Variants in ZNF420 observed in about 807,000 individuals in gnomAD.
ZNF420 encodes zinc finger protein 420, also known as ATM and p53-associated KZNF protein.
ZNF420 carries 31 observed loss-of-function variants against 44.7 expected under a neutral mutation model. The observed-to-expected ratio is 0.69, with a 90% CI of 0.52 to 0.94. The LOEUF (loss-of-function observed/expected upper bound fraction) is 0.94, where lower values mean the gene tolerates loss of function less well. Among genes scored for constraint, ZNF420 ranks in the 40% least tolerant of loss-of-function variants. The probability of loss-of-function intolerance (pLI) is 0.00; values close to 1 mark genes in which losing one functional copy is unlikely to be tolerated. For missense variants in ZNF420, 681 were observed against 827.9 expected (o/e 0.82, Z 2.18); for synonymous variants, 245 against 267.4 (o/e 0.92, Z 0.82).
intron 4 of ZNF420, among the ~76,000 whole-genome samples, chr19:37,120,161 C>G (rs1400934305): frequency 7.2e-5 from 11 of 152,172 alleles, no homozygotes; most frequent in Non-Finnish European, 1.5e-4. Context: ...CTGGCAGAGA[C>G]ACAGCCAAAA....
intron 1 of ZNF420, among the ~76,000 whole-genome samples, chr19:37,041,585 C>T (rs1180083332): frequency 1.3e-5 from 2 of 152,122 alleles, no homozygotes; most frequent in Non-Finnish European, 2.9e-5. Flanking sequence ...CAAGATGATG[C>T]TTTTCATAGC....
At chr19:37,017,106 T>C (rs1599594781) in intron 1 of ZNF420, among the ~76,000 whole-genome samples, 2 of 152,344 alleles carry the variant, frequency 1.3e-5, no homozygotes, top group East Asian at 3.9e-4. Flanking sequence ...TATAATAAAC[T>C]AGTAAACCTA....
intron 1 of ZNF420, among the ~76,000 whole-genome samples, chr19:37,049,948 C>T (rs1382357326): frequency 6.6e-6 from 1 of 152,184 alleles, no homozygotes; most frequent in Non-Finnish European, 1.5e-5. Context: ...AGCCAGTTTT[C>T]CCAGCACCAT....
At chr19:37,075,721 G>A (rs912116930), upstream of ZNF420, among the ~76,000 whole-genome samples, 1 of 152,110 alleles carries the variant, frequency 6.6e-6, no homozygotes, top group Non-Finnish European at 1.5e-5. Context: ...CAGCCCGGGC[G>A]ACAGAGTGAG....
At chr19:37,047,986 C>T (rs1967571235) in intron 1 of ZNF420, among the ~76,000 whole-genome samples, 1 of 152,148 alleles carries the variant, frequency 6.6e-6, no homozygotes, top group African/African-American at 2.4e-5. Context: ...TTTTTCCATG[C>T]TGTTAGAGAG....
At chr19:37,020,701 C>T (rs1215846748) in intron 1 of ZNF420, among the ~76,000 whole-genome samples, 1 of 152,190 alleles carries the variant, frequency 6.6e-6, no homozygotes, top group Non-Finnish European at 1.5e-5. Context: ...ACACAGTGCA[C>T]ATTATTCAGC....
At chr19:37,075,611 A>G (rs1968131718), upstream of ZNF420, among the ~76,000 whole-genome samples, 1 of 152,032 alleles carries the variant, frequency 6.6e-6, no homozygotes, top group African/African-American at 2.4e-5. Context: ...GCGTAGTGGC[A>G]GGCGCCTGTA....
intron 1 of ZNF420, among the ~76,000 whole-genome samples, chr19:37,056,037 A>G (rs1179782888): frequency 3.3e-5 from 5 of 151,966 alleles, no homozygotes; most frequent in African/African-American, 4.8e-5. Flanking sequence ...ACTGCTGTGT[A>G]TCTGTGAGTG....
chr19:37,102,184 G>T (rs1237296979), intron 4 of ZNF420, among the ~76,000 whole-genome samples: 1 of 120,982 alleles, frequency 8.3e-6, no homozygotes, highest in South Asian at 2.6e-4. Flanking sequence ...GTCTCCCACC[G>T]TGTCTACACG....
chr19:37,036,634 T>C (rs1033723302), intron 1 of ZNF420, among the ~76,000 whole-genome samples: 1 of 152,176 alleles, frequency 6.6e-6, no homozygotes, highest in African/African-American at 2.4e-5. Flanking sequence ...ATAATAACCC[T>C]TGGTTTTTAA....
chr19:37,128,748 C>T lies in ZNF420; in HGVS notation c.1757C>T (p.Pro586Leu), dbSNP rs1000644165. The T allele has an allele frequency of 1.2e-6, 2 of 1,613,486 alleles. No homozygotes were observed. Among genetic ancestry groups the T allele is most frequent in the African/African-American group, 2.7e-5 (2 of 74,700 alleles). The change falls in exon 5 of 5, where the codon CCC becomes CTC. Residue 586 changes from proline to leucine, a missense_variant. Coordinates refer to ENST00000337995, the MANE Select transcript of ZNF420 (RefSeq NM_144689.5). ...QHQRIHTGEK[P>L]YECKECGKAF... is the part of the protein sequence containing the mutation. ...CAGCGAATTCACACTGGAGAAAAAC[C>T]CTATGAATGCAAGGAGTGTGGCAAG... is the stretch of plus-strand genomic sequence containing the variant.
intron 1 of ZNF420, among the ~76,000 whole-genome samples, chr19:37,029,044 A>G (rs528770932): frequency 7.4e-4 from 113 of 152,356 alleles, no homozygotes; most frequent in Admixed American, 3.6e-3. Flanking sequence ...GAAATTGATT[A>G]TCGATGCAGC....
At chr19:37,045,976 A>C (rs562534121) in intron 1 of ZNF420, among the ~76,000 whole-genome samples, 2 of 152,348 alleles carry the variant, frequency 1.3e-5, no homozygotes, top group East Asian at 3.9e-4. Flanking sequence ...AGAGAAAATG[A>C]GGAGGAAGCC....
chr19:37,040,074 A>G (rs1254517136), intron 1 of ZNF420, among the ~76,000 whole-genome samples: 1 of 152,134 alleles, frequency 6.6e-6, no homozygotes, highest in Non-Finnish European at 1.5e-5. Context: ...CTCTCTATCC[A>G]AAGTCCTGGA....
At position 37,043,517 on chromosome 19, in the gene ZNF420, C is replaced by T. The variant is rs1462805362; in HGVS notation, c.-125+35435C>T. 3.3e-5 allele frequency among the ~76,000 whole-genome samples: 5 copies of T among 152,054 alleles called. No individual in the cohort carries two copies. In the East Asian group the frequency reaches 5.8e-4, roughly 18 times the overall value. Reference sequence around the variant, plus strand: ...TTTCCTCTATGTTAATTTTTAAATTCCTTATTTATTTATTTATTTTTTTTA... The same window carrying T: ...TTTCCTCTATGTTAATTTTTAAATTTCTTATTTATTTATTTATTTTTTTTA... On this transcript the variant is annotated intron_variant, in intron 1 of 4. Coordinates refer to the ZNF420 transcript ENST00000587029.
chr19:37,036,294 C>T (rs1185883112), intron 1 of ZNF420, among the ~76,000 whole-genome samples: 3 of 152,182 alleles, frequency 2.0e-5, no homozygotes, highest in Non-Finnish European at 2.9e-5. Flanking sequence ...TGCAAATTAT[C>T]CTGATTTGAT....
chr19:37,021,849 A>G (rs2146384081), intron 1 of ZNF420, among the ~76,000 whole-genome samples: 1 of 149,460 alleles, frequency 6.7e-6, no homozygotes, highest in Admixed American at 6.7e-5. Context: ...AGGCAGGAGA[A>G]TCGCTTGAAC....
intron 2 of ZNF420, among the ~76,000 whole-genome samples, chr19:37,080,946 A>G (rs147046618): frequency 0.014 from 2,159 of 151,332 alleles, 21 homozygotes; most frequent in African/African-American, 0.026. Flanking sequence ...AGTCCCAGCT[A>G]CTCGGGAGAC....
rs1971598110 is a variant in ZNF420, at chr19:37,130,357, A to G, written c.*1299A>G. The G allele has an allele frequency of 7.8e-7, 1 of 1,275,692 alleles. No homozygotes were observed. The highest frequency in any genetic ancestry group is 1.0e-6 in the Non-Finnish European group (1 of 1,004,184). The allele number at this position is 1,275,692 out of a possible 1,614,324, so 79.0% of individuals were successfully genotyped here. A position where few individuals can be genotyped will look rare whatever the true frequency, so the allele number is the denominator to read the frequency against. On this transcript the variant is annotated 3_prime_UTR_variant, in exon 5 of 5. Transcript: ENST00000337995. ...TCTGTTATTGACAATAAAAATTCTT[A>G]AGGATATAAAATTTTGTACCTGGAA...
Sources: gnomAD v4.1 joint callset for allele counts (sites outside exome capture counted in the v4.1 genomes callset) on GRCh38, gnomAD v4.1.1 for gene constraint, MANE v1.5 for transcripts, NCBI Gene and HGNC (gene_info 2026-07-23, HGNC 2026-07-21) for gene names.